FAT1: variants seen among roughly 807,000 people sequenced by gnomAD.
FAT1 encodes FAT atypical cadherin 1, also known as protocadherin Fat 1.
A neutral mutation model predicts 329.8 loss-of-function variants in FAT1; 171 were observed. The ratio of observed to expected loss-of-function variants is 0.52; its 90% confidence interval spans 0.46 to 0.59. The LOEUF is 0.59. Among genes scored for constraint, FAT1 ranks in the 20% least tolerant of loss-of-function variants. FAT1 has a pLI of 0.00. For missense variants in FAT1, 5,672 were observed against 5,774.4 expected (o/e 0.98, Z 0.57); for synonymous variants, 2,233 against 2,228.6 (o/e 1.00, Z -0.06).
chr4:186,695,460 G>C (rs1012547170), intron 2 of FAT1, among the ~76,000 whole-genome samples: 4 of 152,104 alleles, frequency 2.6e-5, no homozygotes, highest in African/African-American at 9.7e-5. Flanking sequence ...TGGGAGACAG[G>C]GTGTCTCAAG....
chr4:186,689,429 T>G (rs981311159), intron 2 of FAT1, among the ~76,000 whole-genome samples: 1 of 152,164 alleles, frequency 6.6e-6, no homozygotes, highest in Non-Finnish European at 1.5e-5. Context: ...CAATGACCCA[T>G]CATGGACAAT....
At position 186,600,235 on chromosome 4, in the gene FAT1, A is replaced by G. The variant is rs1738744888; in HGVS notation, c.11766T>C (p.Tyr3922=). 3 of 1,614,050 alleles carry G rather than the reference A, an allele frequency of 1.9e-6. No homozygotes were observed. Among genetic ancestry groups the G allele is most frequent in the Non-Finnish European group, 2.5e-6 (3 of 1,179,898 alleles). ...HAVALEVNGN[Y]ARLVLDQVHT... ...GAACTTGGTCTAGAACCAAGCGAGC[A>G]TAGTTTCCATTCACTTCCAGGGCCA... Residue 3922 remains tyrosine (Y), a synonymous_variant, in exon 22 of 27, where the codon TAT becomes TAC. Coordinates refer to ENST00000441802, the MANE Select transcript of FAT1 (RefSeq NM_005245.4).
At chr4:186,710,815 T>C (rs1240316015) in intron 1 of FAT1, among the ~76,000 whole-genome samples, 1 of 152,122 alleles carries the variant, frequency 6.6e-6, no homozygotes, top group African/African-American at 2.4e-5. Flanking sequence ...TATTAATACA[T>C]GGTGGCAGAC....
chr4:186,702,417 C>CT (rs1244118533), intron 2 of FAT1, among the ~76,000 whole-genome samples: 3 of 152,162 alleles, frequency 2.0e-5, no homozygotes, highest in Non-Finnish European at 4.4e-5. Context: ...AGGGGAAACA[C>CT]TCGTCCTGGG....
intron 3 of FAT1, among the ~76,000 whole-genome samples, chr4:186,641,235 A>C (rs1436634924): frequency 6.6e-6 from 1 of 152,240 alleles, no homozygotes; most frequent in Non-Finnish European, 1.5e-5. Context: ...GGGCAACAGA[A>C]GGCTATATCA....
rs1282821100 is a variant in FAT1, at chr4:186,606,152, G to A, written c.10268C>T (p.Thr3423Met). The change falls in exon 17 of 27, where the codon ACG becomes ATG. Residue 3423 changes from threonine (T) to methionine (M), a missense_variant. By Grantham distance (81) the Thr-to-Met change is moderately conservative. Coordinates refer to ENST00000441802, the MANE Select transcript of FAT1 (RefSeq NM_005245.4). ...SDNGSPPRVN[T>M]TTVNIDVSDV... is the part of the protein sequence containing the mutation. ...GGACACATCGATGTTCACGGTCGTCGTGTTGACTCTGGGTGGACTGCCATT... is the reference window on the plus strand; with the variant it reads ...GGACACATCGATGTTCACGGTCGTCATGTTGACTCTGGGTGGACTGCCATT... 1.2e-5 allele frequency: 19 copies of A among 1,613,258 alleles called. No homozygotes were observed. Among genetic ancestry groups the A allele is most frequent in the South Asian group, 9.9e-5 (9 of 90,926 alleles).
chr4:186,723,010 AACAC>A (rs1310588763), intron 1 of FAT1, among the ~76,000 whole-genome samples: 1 of 152,238 alleles, frequency 6.6e-6, no homozygotes, highest in African/African-American at 2.4e-5. Flanking sequence ...AAAAAAATCT[AACAC>A]ACAGCAGAAA....
chr4:186,612,181 G>A (rs866109462), intron 13 of FAT1, among the ~76,000 whole-genome samples: 9 of 125,056 alleles, frequency 7.2e-5, no homozygotes, highest in East Asian at 4.3e-4. Context: ...TACATTATTC[G>A]CAAATTTGTA....
Position 186,636,896 on chromosome 4 carries a change from C to A in FAT1, c.3661G>T (p.Gly1221Cys), listed in dbSNP as rs559543285. The A allele has an allele frequency of 2.5e-6, 4 of 1,609,248 alleles. No individual in the cohort carries two copies. The highest frequency in any genetic ancestry group is 2.5e-6 in the Non-Finnish European group (3 of 1,178,048). ...GCAATGGTTGATTTGGGGGGACTACCATTGTCTGTCACAGTAACCTGTTTT... is the reference window on the plus strand; with the variant it reads ...GCAATGGTTGATTTGGGGGGACTACAATTGTCTGTCACAGTAACCTGTTTT... ...HILEVTVTDN[G>C]SPPKSTIARV... Residue 1221 changes from glycine to cysteine, a missense_variant, in exon 5 of 27, where the codon GGT becomes TGT. Gly to Cys is a radical substitution (Grantham distance 159). Coordinates refer to ENST00000441802, the MANE Select transcript of FAT1 (RefSeq NM_005245.4).
chr4:186,628,580 T>G lies in FAT1; in HGVS notation c.4507A>C (p.Lys1503Gln). ...LQSSRDPLSL[K>Q]KFRLDPATGS... The stretch of plus-strand genomic sequence containing the variant: ...GTTGCAGGATCAAGACGAAATTTCT[T>G]GAGACTCAGTGGATCTCTACTGCTC... Residue 1503 changes from lysine (K) to glutamine (Q), a missense_variant, in exon 8 of 27, where the codon AAG becomes CAG. Transcript: ENST00000441802. The G allele has an allele frequency of 6.2e-7, 1 of 1,613,970 alleles. No homozygotes were observed. The highest frequency in any genetic ancestry group is 8.5e-7 in the Non-Finnish European group (1 of 1,179,878).
At chr4:186,676,968 C>T (rs1742985792) in intron 2 of FAT1, among the ~76,000 whole-genome samples, 1 of 152,132 alleles carries the variant, frequency 6.6e-6, no homozygotes, top group Non-Finnish European at 1.5e-5. Flanking sequence ...ATAAAAGTCC[C>T]ATTGACTTTT....
At chr4:186,656,268 C>T (rs1462248671) in intron 3 of FAT1, among the ~76,000 whole-genome samples, 1 of 152,188 alleles carries the variant, frequency 6.6e-6, no homozygotes, top group Non-Finnish European at 1.5e-5. Context: ...GGTCAGCTTG[C>T]ATATGAAAAG....
intron 3 of FAT1, among the ~76,000 whole-genome samples, chr4:186,657,680 C>T (rs893538428): frequency 2.0e-5 from 3 of 152,058 alleles, no homozygotes; most frequent in Admixed American, 1.3e-4. Context: ...AAATAAAGAT[C>T]AATACTTGGT....
At chr4:186,641,447 A>G (rs1025473619) in intron 3 of FAT1, among the ~76,000 whole-genome samples, 7 of 152,352 alleles carry the variant, frequency 4.6e-5, no homozygotes, top group Admixed American at 2.0e-4. Context: ...GGTTGTAAAT[A>G]GTTCAGGAAC....
chr4:186,603,518 T>C lies in FAT1; in HGVS notation c.11008A>G (p.Ile3670Val), dbSNP rs992725801. 2 of 1,613,968 alleles carry C rather than the reference T, an allele frequency of 1.2e-6. No homozygotes were observed. Among genetic ancestry groups the C allele is most frequent in the Non-Finnish European group, 8.5e-7 (1 of 1,179,880 alleles). ...ATGTCGTTCCTCCTCACACCCAGGA[T>C]GTTCCGTAAAGCTCGCTGGAAGTTG... Reference protein sequence around the residue: ...WRNFQRALRNILGVRRNDIQI... With the variant: ...WRNFQRALRNVLGVRRNDIQI... Residue 3670 changes from isoleucine (I) to valine (V), a missense_variant, in exon 19 of 27, where the codon ATC becomes GTC. Coordinates refer to ENST00000441802, the MANE Select transcript of FAT1 (RefSeq NM_005245.4).
At chr4:186,685,560 C>G (rs1249818642) in intron 2 of FAT1, among the ~76,000 whole-genome samples, 1 of 152,194 alleles carries the variant, frequency 6.6e-6, no homozygotes, top group Non-Finnish European at 1.5e-5. Flanking sequence ...CTCTGGTTAA[C>G]TTTTCCTTTG....
chr4:186,688,643 T>C (rs1743595712), intron 2 of FAT1, among the ~76,000 whole-genome samples: 1 of 55,598 alleles, frequency 1.8e-5, no homozygotes, highest in Non-Finnish European at 3.7e-5. Flanking sequence ...CCAGCAAGAG[T>C]ACCCCCCCCG....
At chr4:186,675,796 C>A (rs958621926) in intron 2 of FAT1, among the ~76,000 whole-genome samples, 4 of 149,216 alleles carry the variant, frequency 2.7e-5, no homozygotes, top group Non-Finnish European at 5.9e-5. Context: ...CACACACACA[C>A]ACACACACAC....
intron 10 of FAT1, among the ~76,000 whole-genome samples, 199 bp downstream of exon 10, chr4:186,617,509 A>C (rs1739769144): frequency 6.6e-6 from 1 of 152,222 alleles, no homozygotes; most frequent in Admixed American, 6.5e-5. Context: ...AAAACAGTCT[A>C]ATGAAACAAC....
Sources: allele counts gnomAD v4.1 joint callset (sites outside exome capture counted in the v4.1 genomes callset), GRCh38; gene constraint gnomAD v4.1.1; transcripts MANE v1.5; gene names NCBI Gene and HGNC (gene_info 2026-07-23, HGNC 2026-07-21).